EYS: variants seen among roughly 807,000 people sequenced by gnomAD.
The protein encoded by EYS is EGF-like photoreceptor maintenance factor.
A neutral mutation model predicts 282.1 loss-of-function variants in EYS; 250 were observed. The ratio of observed to expected loss-of-function variants is 0.89; its 90% CI spans 0.80 to 0.98. EYS has a LOEUF of 0.98. EYS is among the 50% of genes least tolerant of loss of function. The probability of loss-of-function intolerance (pLI) is 0.00; values close to 1 mark genes in which losing one functional copy is unlikely to be tolerated. For missense variants in EYS, 4,016 were observed against 3,709.0 expected, an observed-to-expected ratio of 1.08 and a Z score of -2.15; for synonymous variants, 1,355 against 1,282.9, an observed-to-expected ratio of 1.06 and a Z score of -1.20.
chr6:65,261,268 T>C, intron 12 of EYS, among the ~76,000 whole-genome samples: 1 of 151,916 alleles, frequency 6.6e-6, no homozygotes. Flanking sequence ...TGTATATTTA[T>C]ACATATATAT....
intron 12 of EYS, among the ~76,000 whole-genome samples, chr6:65,145,385 A>T (rs1347498368): frequency 6.6e-6 from 1 of 151,986 alleles, no homozygotes; most frequent in Non-Finnish European, 1.5e-5. Context: ...ATACATTAAA[A>T]CTTTACAGAT....
At chr6:64,948,003 T>C (rs1272613889) in intron 14 of EYS, among the ~76,000 whole-genome samples, 2 of 151,890 alleles carry the variant, frequency 1.3e-5, no homozygotes, top group South Asian at 4.1e-4. Flanking sequence ...AAATTTTTCC[T>C]ATTAAATTCA....
chr6:65,347,244 A>G (rs1345507642), intron 9 of EYS, among the ~76,000 whole-genome samples: 1 of 151,932 alleles, frequency 6.6e-6, no homozygotes, highest in South Asian at 2.1e-4. Flanking sequence ...CTTTGATTGC[A>G]TTATGAATAG....
At chr6:64,048,937 C>A (rs151201555) in intron 33 of EYS, among the ~76,000 whole-genome samples, 332 of 152,136 alleles carry the variant, frequency 2.2e-3, no homozygotes, top group African/African-American at 7.6e-3. Context: ...CATGCTGTTT[C>A]TCTCACTTGA....
chr6:65,434,309 C>G (rs183739030), intron 5 of EYS, among the ~76,000 whole-genome samples: 1 of 150,936 alleles, frequency 6.6e-6, no homozygotes, highest in Non-Finnish European at 1.5e-5. Flanking sequence ...GGACATTTTC[C>G]TAGGTTTGCA....
At chr6:64,491,656 T>G (rs1776744059) in intron 26 of EYS, among the ~76,000 whole-genome samples, 2 of 151,112 alleles carry the variant, frequency 1.3e-5, no homozygotes, top group South Asian at 4.1e-4. Flanking sequence ...ATCCTCTCTT[T>G]GCAGATGAGT....
chr6:64,085,979 T>C (rs937898451), intron 31 of EYS, among the ~76,000 whole-genome samples: 12 of 152,372 alleles, frequency 7.9e-5, no homozygotes, highest in African/African-American at 2.9e-4. Context: ...TAAAACTTTC[T>C]CTTTCCTTGT....
Position 65,644,668 on chromosome 6 carries a change from G to A in EYS, c.-447-4776C>T, listed in dbSNP as rs10080941. Reference sequence around the variant, plus strand: ...GAATCTTAACAGCAGTGAGGCAAAAGCATCACGTAACCTATAAAGAAAAAC... The same window carrying A: ...GAATCTTAACAGCAGTGAGGCAAAAACATCACGTAACCTATAAAGAAAAAC... On this transcript the variant is annotated intron_variant, in intron 1 of 42. Transcript: ENST00000503581. 5.8e-4 allele frequency among the ~76,000 whole-genome samples: 89 copies of A among 152,304 alleles called. 1 individual carries two copies. The highest frequency in any genetic ancestry group is 2.0e-3 in the African/African-American group (84 of 41,560).
intron 31 of EYS, among the ~76,000 whole-genome samples, chr6:64,098,011 A>G (rs914366533): frequency 4.6e-5 from 7 of 152,228 alleles, no homozygotes; most frequent in Non-Finnish European, 1.0e-4. Context: ...GGAAAAATAA[A>G]TCTCATAATT....
intron 35 of EYS, among the ~76,000 whole-genome samples, chr6:63,979,017 A>G (rs1208819109): frequency 6.6e-6 from 1 of 151,988 alleles, no homozygotes; most frequent in Admixed American, 6.6e-5. Flanking sequence ...CCCTGTTTGA[A>G]GCTTGCTTAA....
At chr6:64,762,316 A>G (rs1773185168) in intron 22 of EYS, among the ~76,000 whole-genome samples, 1 of 152,210 alleles carries the variant, frequency 6.6e-6, no homozygotes, top group South Asian at 2.1e-4. Context: ...GCAAAAGCTA[A>G]CTACTATATT....
chr6:65,269,543 C>T (rs915753587), intron 12 of EYS, among the ~76,000 whole-genome samples: 2 of 152,152 alleles, frequency 1.3e-5, no homozygotes, highest in African/African-American at 4.8e-5. Flanking sequence ...TGATTCCTAT[C>T]TGTAAAGCTA....
chr6:65,022,821 T>A (rs1167428728), intron 13 of EYS, among the ~76,000 whole-genome samples: 1 of 151,798 alleles, frequency 6.6e-6, no homozygotes, highest in South Asian at 2.1e-4. Flanking sequence ...CATAAAGACA[T>A]CATTTGTATG....
intron 35 of EYS, among the ~76,000 whole-genome samples, chr6:63,901,178 A>G (rs68154650): frequency 0.1 from 15,844 of 152,252 alleles, 1,273 homozygotes; most frequent in African/African-American, 0.23. Context: ...GTGAAGAGTT[A>G]GAAATTATTT....
chr6:64,501,028 GTT>G (rs35021721), intron 26 of EYS, among the ~76,000 whole-genome samples: 25,776 of 129,692 alleles, frequency 0.2, 2,878 homozygotes, highest in African/African-American at 0.34. Flanking sequence ...TTTTGGGAGA[GTT>G]TTTTTTTTTT....
intron 28 of EYS, among the ~76,000 whole-genome samples, chr6:64,424,682 T>A (rs1774347523): frequency 6.6e-6 from 1 of 152,206 alleles, no homozygotes; most frequent in South Asian, 2.1e-4. Context: ...TCCCTGCCTT[T>A]CATTCATTAT....
intron 2 of EYS, among the ~76,000 whole-genome samples, chr6:65,616,117 T>C (rs1473965890): frequency 6.6e-6 from 1 of 152,056 alleles, no homozygotes; most frequent in Admixed American, 6.6e-5. Flanking sequence ...TTTATTAAAT[T>C]ATATATTTTA....
chr6:64,228,812 G>GT (rs1297966757), intron 31 of EYS, among the ~76,000 whole-genome samples: 1 of 151,894 alleles, frequency 6.6e-6, no homozygotes, highest in East Asian at 1.9e-4. Context: ...ATCCTCCATT[G>GT]TTTTTTTCTG....
At chr6:64,876,222 C>G (rs1766746139) in intron 19 of EYS, among the ~76,000 whole-genome samples, 1 of 151,988 alleles carries the variant, frequency 6.6e-6, no homozygotes, top group Admixed American at 6.6e-5. Flanking sequence ...ACCTGATTCA[C>G]AGGGTTGTAA....
Sources: gnomAD v4.1 joint callset for allele counts (sites outside exome capture counted in the v4.1 genomes callset) on GRCh38, gnomAD v4.1.1 for gene constraint, MANE v1.5 for transcripts, NCBI Gene and HGNC (gene_info 2026-07-23, HGNC 2026-07-21) for gene names.